The following COL4A3 variants were observed in gnomAD, a reference collection of about 807,000 sequenced individuals.
The protein encoded by COL4A3 is collagen alpha-3(IV) chain.
COL4A3 carries 135 observed loss-of-function variants against 217.4 expected under a neutral mutation model. That is an observed-to-expected ratio of 0.62 (90% CI 0.54 to 0.72). The LOEUF (loss-of-function observed/expected upper bound fraction) is 0.72, where lower values mean the gene tolerates loss of function less well. Ranked by LOEUF, COL4A3 falls within the 30% of genes least tolerant of loss-of-function variation. The pLI, the probability that COL4A3 is intolerant of heterozygous loss-of-function variation, is 0.00. For missense variants in COL4A3, 1,868 were observed against 2,119.9 expected (o/e 0.88, Z 2.33); for synonymous variants, 690 against 736.3 (o/e 0.94, Z 1.02).
At position 227,217,010 on chromosome 2, in the gene COL4A3, CT is replaced by C. The variant is rs1459958691; in HGVS notation, c.88-20957del. 1.1e-4 allele frequency among the ~76,000 whole-genome samples: 16 copies of C among 152,242 alleles called. No homozygotes were observed. In the South Asian group the frequency reaches 2.5e-3, roughly 24 times the overall value. ...ACTGTATTGGTCTATTCTCACACTG[CT>C]GATAAAGATATACCCAAGACTGGGT... On this transcript the variant is annotated intron_variant, in intron 1 of 51. Coordinates refer to ENST00000396578, the MANE Select transcript of COL4A3 (RefSeq NM_000091.5).
chr2:227,254,684 A>G lies in COL4A3; in HGVS notation c.857A>G (p.Glu286Gly), dbSNP rs1574703495. 6.2e-7 allele frequency: 1 copy of G among 1,612,844 alleles called. No individual in the cohort carries two copies. Among genetic ancestry groups the G allele is most frequent in the East Asian group, 2.2e-5 (1 of 44,874 alleles). ...SGLPGESYGS[E>G]KGAPGDPGLQ... The stretch of plus-strand genomic sequence containing the variant: ...CTGCCTGGAGAATCATATGGATCTG[A>G]AAAGGGTGCTCCTGGAGACCCTGGC... The change falls in exon 15 of 52, where the codon GAA (glutamate) becomes GGA (glycine). Residue 286 changes from glutamate (E) to glycine (G), a missense_variant. Physicochemically the swap from Glu to Gly is moderately conservative, Grantham distance 98. Around this residue, in one of 2 missense-constraint regions of COL4A3, gnomAD observed 1,503 missense variants for 1,786.1 expected, o/e 0.84. Coordinates refer to ENST00000396578, the MANE Select transcript of COL4A3 (RefSeq NM_000091.5).
At chr2:227,246,590 A>T in intron 6 of COL4A3, 95 bp from the exon 7 acceptor site, 1 of 975,926 alleles carries the variant, frequency 1.0e-6, no homozygotes, top group Non-Finnish European at 1.6e-6. Flanking sequence ...GTCTAGATTT[A>T]CCATTGCAAG....
intron 24 of COL4A3, 27 bp from the exon 25 acceptor site, chr2:227,270,743 T>C: frequency 1.2e-6 from 2 of 1,606,996 alleles, no homozygotes; most frequent in Middle Eastern, 1.7e-4. Flanking sequence ...CAAAATACAA[T>C]ACAGATTCAT....
chr2:227,203,795 A>C (rs990714897), intron 1 of COL4A3, among the ~76,000 whole-genome samples: 1 of 150,604 alleles, frequency 6.6e-6, no homozygotes, highest in East Asian at 1.9e-4. Flanking sequence ...GTGTATATAT[A>C]TACACTACAG....
chr2:227,268,135 A>G (rs559659551), intron 23 of COL4A3, among the ~76,000 whole-genome samples: 2 of 152,292 alleles, frequency 1.3e-5, no homozygotes, highest in South Asian at 4.2e-4. Flanking sequence ...CAAATTATGT[A>G]TCATTGACCA....
intron 1 of COL4A3, among the ~76,000 whole-genome samples, chr2:227,224,126 C>T (rs1170082857): frequency 1.3e-5 from 2 of 152,182 alleles, no homozygotes; most frequent in Admixed American, 6.5e-5. Context: ...ATTAGAAGTT[C>T]CAGATTCCAA....
At chr2:227,241,455 C>T (rs2125895752) in intron 3 of COL4A3, among the ~76,000 whole-genome samples, 1 of 152,294 alleles carries the variant, frequency 6.6e-6, no homozygotes, top group East Asian at 1.9e-4. Context: ...AGGAGGATCA[C>T]TTGAGCCCAC....
At chr2:227,229,269 T>A (rs2068261556) in intron 1 of COL4A3, among the ~76,000 whole-genome samples, 1 of 152,204 alleles carries the variant, frequency 6.6e-6, no homozygotes, top group African/African-American at 2.4e-5. Flanking sequence ...GCACCTTTCT[T>A]GGATAAGCAT....
chr2:227,303,095 T>C lies in COL4A3; in HGVS notation c.3940T>C (p.Phe1314Leu), dbSNP rs774371026. The change falls in exon 44 of 52, where the codon TTT becomes CTT. Residue 1314 changes from phenylalanine to leucine, a missense_variant. By Grantham distance (22) the Phe-to-Leu change is conservative. Around this residue, in one of 2 missense-constraint regions of COL4A3, gnomAD observed 1,503 missense variants for 1,786.1 expected, o/e 0.84. Transcript: ENST00000396578. The part of the protein sequence containing the change: ...GPRGDPGFQG[F>L]PGVKGEKGNP... ...CAGAGGTGATCCTGGATTCCAGGGG[T>C]TTCCAGGCGTGAAAGGTACTGTTTT... The C allele has an allele frequency of 6.2e-7, 1 of 1,613,776 alleles. No homozygotes were observed. Among genetic ancestry groups the C allele is most frequent in the South Asian group, 1.1e-5 (1 of 91,068 alleles).
intron 1 of COL4A3, among the ~76,000 whole-genome samples, chr2:227,197,457 T>C (rs62277825): frequency 2.0e-5 from 3 of 152,224 alleles, no homozygotes; most frequent in African/African-American, 7.2e-5. Context: ...CTATGATGTT[T>C]GCACAATGAC....
chr2:227,285,114 A>T (rs2106179326), intron 34 of COL4A3, among the ~76,000 whole-genome samples: 1 of 152,268 alleles, frequency 6.6e-6, no homozygotes, highest in East Asian at 1.9e-4. Context: ...AGAAAAATGT[A>T]TCATGGCAAG....
chr2:227,238,700 A>G (rs774613168), intron 2 of COL4A3, among the ~76,000 whole-genome samples: 3 of 151,900 alleles, frequency 2.0e-5, no homozygotes, highest in Non-Finnish European at 2.9e-5. Flanking sequence ...AAAATATTTT[A>G]AGAACATATT....
rs749383170 is a variant in COL4A3 at position 227,294,999 on chromosome 2, G to A, written c.3454G>A (p.Gly1152Ser). The A allele has an allele frequency of 6.2e-7, 1 of 1,613,220 alleles. No individual in the cohort carries two copies. Among genetic ancestry groups the A allele is most frequent in the South Asian group, 1.1e-5 (1 of 91,046 alleles). ...PGFPGSPGPM[G>S]IRGDQGRDGI... ...ATTTCCAGGATCTCCTGGACCAATG[G>A]GTATAAGAGGTGACCAAGGACGTGA... Residue 1152 changes from glycine (G) to serine (S), a missense_variant, in exon 40 of 52, where the codon GGT (glycine) becomes AGT (serine). Around this residue, in one of 2 missense-constraint regions of COL4A3, gnomAD observed 1,503 missense variants for 1,786.1 expected, o/e 0.84. Transcript: ENST00000396578.
In COL4A3 at chr2:227,245,980, C is replaced by T. The variant is rs750308686; in HGVS notation, c.351C>T (p.Tyr117=). The change falls in exon 6 of 52, where the codon TAC becomes TAT. Residue 117 remains tyrosine (Y), a synonymous_variant. Transcript: ENST00000396578. The part of the protein sequence containing the change: ...LPGTPGNTGP[Y]GLVGVPGCSG... Reference sequence around the variant, plus strand: ...GCACCCCAGGCAATACCGGGCCTTACGGACTTGTCGGTGTACCAGGATGCA... The same window carrying T: ...GCACCCCAGGCAATACCGGGCCTTATGGACTTGTCGGTGTACCAGGATGCA... 5 of 1,613,724 alleles carry T rather than the reference C, an allele frequency of 3.1e-6. No individual in the cohort carries two copies. Among genetic ancestry groups the T allele is most frequent in the East Asian group, 4.5e-5 (2 of 44,892 alleles).
At position 227,260,434 on chromosome 2, in the gene COL4A3, T is replaced by C. The variant is rs2070480793; in HGVS notation, c.1114+557T>C. On this transcript the variant is annotated intron_variant, in intron 19 of 51. Coordinates refer to ENST00000396578, the MANE Select transcript of COL4A3 (RefSeq NM_000091.5). ...CAAGGTCCCACCCTGTGATTCTGAT[T>C]TCATTGTCTGGAGGAGGGCTCTGGA... Among the ~76,000 whole-genome samples the C allele has an allele frequency of 7.9e-5, 12 of 152,312 alleles. No homozygotes were observed. In the South Asian group the frequency reaches 2.5e-3, roughly 32 times the overall value.
intron 35 of COL4A3, among the ~76,000 whole-genome samples, 177 bp from the exon 36 acceptor site, chr2:227,289,822 C>T (rs558932322): frequency 6.6e-5 from 10 of 152,274 alleles, no homozygotes; most frequent in African/African-American, 2.2e-4. Context: ...TTTAGTTTTC[C>T]ATGTTCCAGG....
chr2:227,213,630 G>A (rs1293828532), intron 1 of COL4A3, among the ~76,000 whole-genome samples: 1 of 152,088 alleles, frequency 6.6e-6, no homozygotes, highest in Non-Finnish European at 1.5e-5. Context: ...ATGGCCAGGC[G>A]CGGTGGCTTA....
intron 47 of COL4A3, among the ~76,000 whole-genome samples, chr2:227,306,710 C>T (rs1290905694): frequency 2.6e-5 from 4 of 152,010 alleles, no homozygotes; most frequent in Non-Finnish European, 4.4e-5. Flanking sequence ...TCCTGACTTC[C>T]GAGTCAGGAC....
intron 2 of COL4A3, 113 bp downstream of exon 2, chr2:227,238,137 C>A (rs1035826856): frequency 1.4e-5 from 10 of 712,398 alleles, no homozygotes; most frequent in Admixed American, 1.0e-4. Flanking sequence ...TTCCATTTCC[C>A]AAATCCAATG....
Sources: allele counts gnomAD v4.1 joint callset (sites outside exome capture counted in the v4.1 genomes callset), GRCh38; gene constraint gnomAD v4.1.1; regional missense constraint gnomAD v4.1.1; transcripts MANE v1.5; gene names NCBI Gene and HGNC (gene_info 2026-07-23, HGNC 2026-07-21).